The following HYCC2 variants were observed in gnomAD, a reference collection of about 807,000 sequenced individuals.
The protein encoded by HYCC2 is hyccin PI4KA lipid kinase complex subunit 2, also known as hyccin 2.
the HYCC2 span, among the ~76,000 whole-genome samples, chr2:201,026,045 T>C: frequency 3.3e-5 from 5 of 152,102 alleles, no homozygotes; most frequent in Admixed American, 2.6e-4. Flanking sequence ...TCAAGGCCCA[T>C]AAGTATGCTG....
At chr2:201,031,864 C>T in the HYCC2 span, among the ~76,000 whole-genome samples, 5 of 152,298 alleles carry the variant, frequency 3.3e-5, no homozygotes, top group East Asian at 3.9e-4. Context: ...ACTTGAAATA[C>T]TACTAAAGTC....
the HYCC2 span, among the ~76,000 whole-genome samples, chr2:201,070,403 A>G: frequency 6.6e-6 from 1 of 152,292 alleles, no homozygotes; most frequent in East Asian, 1.9e-4. Context: ...CTGTAATCCC[A>G]GCACTTTGGG....
chr2:201,005,438 G>A, the HYCC2 span, among the ~76,000 whole-genome samples: 1 of 151,994 alleles, frequency 6.6e-6, no homozygotes, highest in South Asian at 2.1e-4. Context: ...TAAGGCAGTG[G>A]TTCCAGTACC....
At chr2:201,031,886 T>C in the HYCC2 span, among the ~76,000 whole-genome samples, 1 of 152,200 alleles carries the variant, frequency 6.6e-6, no homozygotes, top group East Asian at 1.9e-4. Flanking sequence ...TACATATATT[T>C]GAAAATATTT....
chr2:200,987,812 C>T, the HYCC2 span, among the ~76,000 whole-genome samples: 52 of 152,300 alleles, frequency 3.4e-4, no homozygotes, highest in Non-Finnish European at 6.9e-4. Flanking sequence ...GTATGAAATA[C>T]TGCTGGATTC....
the HYCC2 span, chr2:200,992,138 ATTTTG>A: frequency 3.4e-6 from 2 of 580,454 alleles, no homozygotes; most frequent in Non-Finnish European, 6.2e-6. Flanking sequence ...ACCTAAACCT[ATTTTG>A]TTTTTTCTCT....
At chr2:201,022,395 C>T in the HYCC2 span, 2 of 278,028 alleles carry the variant, frequency 7.2e-6, no homozygotes, top group Non-Finnish European at 1.4e-5. Context: ...CTAGCAGCAT[C>T]ATTTTGTGTT....
the HYCC2 span, among the ~76,000 whole-genome samples, chr2:201,030,618 G>A: frequency 3.5e-5 from 5 of 142,578 alleles, no homozygotes; most frequent in Non-Finnish European, 7.5e-5. Flanking sequence ...TCACCCTATC[G>A]CCCAGACTGA....
chr2:201,025,760 G>C, the HYCC2 span, among the ~76,000 whole-genome samples: 2 of 151,976 alleles, frequency 1.3e-5, no homozygotes, highest in Non-Finnish European at 2.9e-5. Flanking sequence ...ATGGTCTGAT[G>C]GTATAGGAAG....
the HYCC2 span, among the ~76,000 whole-genome samples, chr2:201,029,313 G>A: frequency 6.6e-6 from 1 of 151,484 alleles, no homozygotes; most frequent in Non-Finnish European, 1.5e-5. Flanking sequence ...AACAACAGAT[G>A]CTTTTACATT....
the HYCC2 span, among the ~76,000 whole-genome samples, chr2:201,052,555 C>A: frequency 6.6e-6 from 1 of 152,150 alleles, no homozygotes; most frequent in African/African-American, 2.4e-5. Context: ...CTGCAGTGAG[C>A]CGTGACTGTG....
At chr2:201,002,982 G>C in the HYCC2 span, among the ~76,000 whole-genome samples, 1 of 152,078 alleles carries the variant, frequency 6.6e-6, no homozygotes, top group African/African-American at 2.4e-5. Flanking sequence ...TAAGAGACTG[G>C]CTAAAAATTG....
At chr2:201,054,199 C>T in the HYCC2 span, among the ~76,000 whole-genome samples, 2 of 152,206 alleles carry the variant, frequency 1.3e-5, no homozygotes, top group South Asian at 2.1e-4. Context: ...GCACACAACT[C>T]ATTACTGGAG....
the HYCC2 span, among the ~76,000 whole-genome samples, chr2:201,032,746 T>C: frequency 6.6e-6 from 1 of 152,136 alleles, no homozygotes; most frequent in Non-Finnish European, 1.5e-5. Flanking sequence ...AGTCTCAAAC[T>C]CCTTGGCTCA....
chr2:201,038,075 G>T, the HYCC2 span, among the ~76,000 whole-genome samples: 1 of 152,090 alleles, frequency 6.6e-6, no homozygotes, highest in Non-Finnish European at 1.5e-5. Context: ...ATCAAAAAGT[G>T]GGCAAAGAAT....
chr2:201,056,087 A>G, the HYCC2 span, among the ~76,000 whole-genome samples: 18 of 152,020 alleles, frequency 1.2e-4, no homozygotes, highest in Admixed American at 9.8e-4. Context: ...CCAGCTACTC[A>G]GGAGGCTGAG....
chr2:201,004,113 G>A, the HYCC2 span, among the ~76,000 whole-genome samples: 1 of 152,154 alleles, frequency 6.6e-6, no homozygotes, highest in Admixed American at 6.5e-5. Context: ...ACCATGCCTG[G>A]CCTGTTTGGG....
the HYCC2 span, chr2:201,009,467 CTT>C: frequency 1.3e-5 from 2 of 155,390 alleles, no homozygotes; most frequent in South Asian, 1.8e-4. Context: ...AAATATCTCT[CTT>C]TTTTTTTTGA....
At chr2:201,055,913 G>T in the HYCC2 span, among the ~76,000 whole-genome samples, 1 of 152,088 alleles carries the variant, frequency 6.6e-6, no homozygotes, top group African/African-American at 2.4e-5. Flanking sequence ...AAATAGCTGG[G>T]CACGGTGGCT....
Sources: gnomAD v4.1 joint callset for allele counts (sites outside exome capture counted in the v4.1 genomes callset) on GRCh38, gnomAD v4.1.1 for gene constraint, MANE v1.5 for transcripts, NCBI Gene and HGNC (gene_info 2026-07-23, HGNC 2026-07-21) for gene names.